FAM135B: variants seen among roughly 807,000 people sequenced by gnomAD.
FAM135B encodes the protein protein FAM135B.
FAM135B carries 43 observed loss-of-function variants against 127.7 expected under a neutral mutation model. The ratio of observed to expected loss-of-function variants is 0.34; its 90% CI spans 0.26 to 0.43. The LOEUF (loss-of-function observed/expected upper bound fraction) is 0.43. Among genes scored for constraint, FAM135B ranks in the 20% least tolerant of loss-of-function variants. FAM135B has a pLI of 1.00. For synonymous variants in FAM135B, 670 were observed against 665.1 expected (o/e 1.01, Z -0.11); for missense variants, 1,558 against 1,725.6 (o/e 0.90, Z 1.72).
chr8:138,298,927 A>G (rs1392956643), intron 3 of FAM135B, among the ~76,000 whole-genome samples: 1 of 151,854 alleles, frequency 6.6e-6, no homozygotes, highest in Non-Finnish European at 1.5e-5. Context: ...CCATTTCAAA[A>G]ACGGTGCCTG....
intron 7 of FAM135B, among the ~76,000 whole-genome samples, chr8:138,235,492 T>G (rs1031215304): frequency 6.6e-6 from 1 of 152,166 alleles, no homozygotes; most frequent in East Asian, 1.9e-4. Flanking sequence ...TACATCCTCA[T>G]GAAAAGAATA....
At chr8:138,465,782 ATT>A (rs34679807) in intron 1 of FAM135B, among the ~76,000 whole-genome samples, 2 of 145,808 alleles carry the variant, frequency 1.4e-5, no homozygotes, top group African/African-American at 2.5e-5. Flanking sequence ...GTTTCACCTG[ATT>A]TTTTTTTTTT....
At chr8:138,272,348 T>C (rs527710002) in intron 3 of FAM135B, among the ~76,000 whole-genome samples, 1 of 152,322 alleles carries the variant, frequency 6.6e-6, no homozygotes, top group South Asian at 2.1e-4. Flanking sequence ...CAATGTTTGT[T>C]ATAGTTCTAG....
chr8:138,210,879 C>G (rs1382920423), intron 7 of FAM135B, among the ~76,000 whole-genome samples: 1 of 152,158 alleles, frequency 6.6e-6, no homozygotes, highest in Non-Finnish European at 1.5e-5. Context: ...ACCCATGTAG[C>G]CCCTCATAAA....
chr8:138,451,609 G>C (rs1836488220), intron 1 of FAM135B, among the ~76,000 whole-genome samples: 1 of 152,156 alleles, frequency 6.6e-6, no homozygotes, highest in Non-Finnish European at 1.5e-5. Context: ...ATAGAGGTTT[G>C]AGGTGTTCAG....
At position 138,464,631 on chromosome 8, in the gene FAM135B, G is replaced by A. The variant is rs543625539; in HGVS notation, c.-20+32040C>T. The stretch of plus-strand genomic sequence containing the variant: ...TTTGCCAAAGTGACAGTGAAATTCC[G>A]AAATGGAAAAAACCAGAATGGAAGG... On this transcript the variant is annotated intron_variant, in intron 1 of 19. Coordinates refer to ENST00000395297, the MANE Select transcript of FAM135B (RefSeq NM_015912.4). Among the ~76,000 whole-genome samples, 27 of 152,260 alleles carry A rather than the reference G, an allele frequency of 1.8e-4. No homozygotes were observed. In the South Asian group the frequency reaches 1.9e-3, roughly 11 times the overall value.
rs143161282 is a variant in FAM135B at position 138,486,993 on chromosome 8, T to C, written c.-20+9678A>G. On this transcript the variant is annotated intron_variant, in intron 1 of 19. Transcript: ENST00000395297. Reference sequence around the variant, plus strand: ...TTTTTTTTTTAATTATACTTTAAGTTCTAGGGTACATGTGCACAACGTGCC... The same window carrying C: ...TTTTTTTTTTAATTATACTTTAAGTCCTAGGGTACATGTGCACAACGTGCC... Among the ~76,000 whole-genome samples the C allele has an allele frequency of 5.7e-3, 871 of 152,240 alleles. 5 individuals carry two copies. The highest frequency in any genetic ancestry group is 9.1e-3 in the Admixed American group (139 of 15,288).
At chr8:138,437,179 A>G (rs1443336982) in intron 1 of FAM135B, 1 of 152,244 alleles carries the variant, frequency 6.6e-6, no homozygotes, top group African/African-American at 2.4e-5. Flanking sequence ...GAATAAAGTA[A>G]TAACGTTTGG....
At chr8:138,408,064 G>T (rs544248498) in intron 1 of FAM135B, among the ~76,000 whole-genome samples, 2 of 152,272 alleles carry the variant, frequency 1.3e-5, no homozygotes, top group South Asian at 4.1e-4. Context: ...TAGATTTAGT[G>T]TAATTCTTAA....
chr8:138,152,266 T>A lies in FAM135B; in HGVS notation c.2209A>T (p.Thr737Ser), dbSNP rs1818235925. The change falls in exon 13 of 20, where the codon ACA becomes TCA. Residue 737 changes from threonine to serine, a missense_variant. Transcript: ENST00000395297. ...GCCTGGATGCCGCTTGGCAAACTTG[T>A]GTTACTTTCTGTGTGTCCACCCTCT... The part of the protein sequence containing the change: ...SLEGGHTESN[T>S]SLPSGIQASL... 3 of 1,614,102 alleles carry A rather than the reference T, an allele frequency of 1.9e-6. No homozygotes were observed. Among genetic ancestry groups the A allele is most frequent in the Non-Finnish European group, 2.5e-6 (3 of 1,180,032 alleles).
intron 1 of FAM135B, among the ~76,000 whole-genome samples, chr8:138,457,195 G>A (rs1836835319): frequency 6.6e-6 from 1 of 152,096 alleles, no homozygotes; most frequent in Non-Finnish European, 1.5e-5. Context: ...ATGTAAGTGT[G>A]TGCCGACACA....
In FAM135B at chr8:138,265,920, G is replaced by A. The variant is rs1027253149; in HGVS notation, c.158-78C>T. 3.4e-6 allele frequency: 5 copies of A among 1,462,870 alleles called. No homozygotes were observed. The African/African-American group carries it at 5.6e-5, about 16-fold the overall frequency. The allele number at this position is 1,462,870 out of a possible 1,614,324, so 90.6% of individuals were successfully genotyped here. On this transcript the variant is annotated intron_variant, in intron 3 of 19. Coordinates refer to ENST00000395297, the MANE Select transcript of FAM135B (RefSeq NM_015912.4). ...TGCAGCCCTGTCAGGTGTCTTTCCT[G>A]CTCAAGTAGGCTAATGGCCCCAAGC...
At chr8:138,308,974 A>G (rs911467969) in intron 3 of FAM135B, 9 of 454,448 alleles carry the variant, frequency 2.0e-5, no homozygotes, top group African/African-American at 1.8e-4. Context: ...CACAGGTAGG[A>G]CTAACTGGCT....
chr8:138,161,049 G>A (rs1028758520), intron 12 of FAM135B, among the ~76,000 whole-genome samples: 1 of 152,076 alleles, frequency 6.6e-6, no homozygotes, highest in Non-Finnish European at 1.5e-5. Context: ...ACTCTACAAT[G>A]GGAAGATTCA....
At chr8:138,193,254 G>C (rs566840930) in intron 9 of FAM135B, among the ~76,000 whole-genome samples, 1 of 152,358 alleles carries the variant, frequency 6.6e-6, no homozygotes, top group South Asian at 2.1e-4. Context: ...AGGGGCTATA[G>C]AAAGATTAAA....
intron 2 of FAM135B, among the ~76,000 whole-genome samples, chr8:138,316,324 C>G (rs2130920793): frequency 6.6e-6 from 1 of 151,718 alleles, no homozygotes; most frequent in Admixed American, 6.6e-5. Context: ...GAAACCCCGT[C>G]TCTACTAAAA....
intron 9 of FAM135B, among the ~76,000 whole-genome samples, chr8:138,183,593 T>A (rs1815278822): frequency 6.6e-6 from 1 of 152,254 alleles, no homozygotes. Context: ...TGGAGACTTC[T>A]GGCATGGGAT....
At chr8:138,430,704 G>A (rs1170702519) in intron 1 of FAM135B, among the ~76,000 whole-genome samples, 2 of 152,164 alleles carry the variant, frequency 1.3e-5, no homozygotes, top group Non-Finnish European at 1.5e-5. Flanking sequence ...AAAAGACCCT[G>A]CCTCCCAGTG....
At chr8:138,385,071 T>C (rs751426090) in intron 1 of FAM135B, among the ~76,000 whole-genome samples, 2 of 152,124 alleles carry the variant, frequency 1.3e-5, no homozygotes, top group South Asian at 2.1e-4. Context: ...CAGCTCTCCT[T>C]ACTGCTCCTC....
Sources: gnomAD v4.1 joint callset for allele counts (sites outside exome capture counted in the v4.1 genomes callset) on GRCh38, gnomAD v4.1.1 for gene constraint, MANE v1.5 for transcripts, NCBI Gene and HGNC (gene_info 2026-07-23, HGNC 2026-07-21) for gene names.